MCF2L: variants seen among roughly 807,000 people sequenced by gnomAD.
The protein encoded by MCF2L is MCF.2 cell line derived transforming sequence like.
Under a neutral mutation model 153.4 loss-of-function variants are expected in MCF2L, and 97 were observed. The observed-to-expected ratio is 0.63, with a 90% CI of 0.54 to 0.75. The LOEUF is 0.75. MCF2L is among the 30% of genes least tolerant of loss of function. The pLI is 0.00. For synonymous variants in MCF2L, 659 were observed against 632.2 expected (o/e 1.04, Z -0.64); for missense variants, 1,347 against 1,495.2 (o/e 0.90, Z 1.64).
At chr13:113,080,911 C>G (rs1243684502) in intron 15 of MCF2L, among the ~76,000 whole-genome samples, 1 of 147,030 alleles carries the variant, frequency 6.8e-6, no homozygotes, top group Admixed American at 6.7e-5. Flanking sequence ...ACAGGTGGGA[C>G]CCAAAAGCCC....
intron 2 of MCF2L, among the ~76,000 whole-genome samples, chr13:112,925,314 A>G (rs1038168564): frequency 6.6e-6 from 1 of 152,182 alleles, no homozygotes; most frequent in Admixed American, 6.5e-5. Context: ...TGCTATGACC[A>G]CTTTGGAAAA....
In MCF2L at chr13:112,927,071, TAAAAGCAC is replaced by T. The variant is rs2081415050; in HGVS notation, c.169+24702_169+24709del. ...ATCACACTTACAGAGAAATATGAAT[TAAAAGCAC>T]ACTGGCATACTGCCTCTTGCTAATC... On this transcript the variant is annotated intron_variant, in intron 2 of 29. Transcript: ENST00000375608. 5.3e-5 allele frequency among the ~76,000 whole-genome samples: 8 copies of T among 152,276 alleles called. No homozygotes were observed. The South Asian group carries it at 1.7e-3, about 32-fold the overall frequency.
chr13:113,023,023 G>A (rs1239719984), intron 2 of MCF2L, among the ~76,000 whole-genome samples: 2 of 152,230 alleles, frequency 1.3e-5, no homozygotes, highest in African/African-American at 4.8e-5. Context: ...GAGGATAGAA[G>A]TCATCAGAGC....
At chr13:113,086,941 GTGCATTC>G (rs1300770827) in intron 21 of MCF2L, among the ~76,000 whole-genome samples, 4 of 152,184 alleles carry the variant, frequency 2.6e-5, no homozygotes, top group African/African-American at 9.7e-5. Context: ...TCTGGGTGCT[GTGCATTC>G]TGCGGTTTGG....
chr13:112,943,576 T>C lies in MCF2L; in HGVS notation c.169+41205T>C, dbSNP rs935932358. On this transcript the variant is annotated intron_variant, in intron 2 of 29. Coordinates refer to the MCF2L transcript ENST00000375608. This position sits in a 1 kb window ranked among gnomAD's most constrained non-coding sequence, Gnocchi z 4.2. ...GCAGCCAGAGCCGAGACTCCGCGCC[T>C]TTCAAGGAGGAGGCCCCGTGCAGGC... Among the ~76,000 whole-genome samples, 1 of 151,870 alleles carries C rather than the reference T, an allele frequency of 6.6e-6. No individual in the cohort carries two copies. Among genetic ancestry groups the C allele is most frequent in the African/African-American group, 2.4e-5 (1 of 41,376 alleles).
intron 1 of MCF2L, among the ~76,000 whole-genome samples, chr13:112,997,634 T>A (rs1594557391): frequency 6.6e-6 from 1 of 152,168 alleles, no homozygotes; most frequent in Non-Finnish European, 1.5e-5. Flanking sequence ...GCTGACCAGG[T>A]TTGTAAAATG....
At chr13:112,989,106 A>G (rs1395256345) in intron 1 of MCF2L, among the ~76,000 whole-genome samples, 1 of 51,064 alleles carries the variant, frequency 2.0e-5, no homozygotes. Context: ...GAGCTACCAC[A>G]CCGGAGTCCT....
intron 2 of MCF2L, among the ~76,000 whole-genome samples, chr13:112,924,463 A>G (rs2081383629): frequency 6.6e-6 from 1 of 152,184 alleles, no homozygotes; most frequent in South Asian, 2.1e-4. Context: ...AGGAACAAAA[A>G]CCAAGGAGAA....
intron 2 of MCF2L, among the ~76,000 whole-genome samples, chr13:112,954,511 G>T (rs2081733836): frequency 6.6e-6 from 1 of 152,220 alleles, no homozygotes; most frequent in Non-Finnish European, 1.5e-5. Context: ...CTTGGCCTTA[G>T]TGGAGTTCAT....
rs189259779 is a variant in MCF2L at position 113,060,497 on chromosome 13, C to T, written c.370-96C>T. 3.3e-5 allele frequency: 48 copies of T among 1,456,910 alleles called. No individual in the cohort carries two copies. The Middle Eastern group carries it at 6.7e-4, about 20-fold the overall frequency. The allele number at this position is 1,456,910 out of a possible 1,614,324, so 90.2% of individuals were successfully genotyped here. A position where few individuals can be genotyped will look rare whatever the true frequency, so the allele number is the denominator to read the frequency against. Reference sequence around the variant, plus strand: ...GTTGAGGATGCCTGGCCGCTAGCTGCGCGCCCCCGGTCAGCCCAGCGTGCA... The same window carrying T: ...GTTGAGGATGCCTGGCCGCTAGCTGTGCGCCCCCGGTCAGCCCAGCGTGCA... On this transcript the variant is annotated intron_variant, in intron 4 of 29. Transcript: ENST00000535094.
chr13:112,977,159 A>G (rs1417419147), intron 1 of MCF2L, among the ~76,000 whole-genome samples: 2 of 152,206 alleles, frequency 1.3e-5, no homozygotes, highest in Middle Eastern at 3.2e-3. Context: ...TGGCTAATGT[A>G]AGACTCTTTT....
chr13:113,004,208 T>C (rs945698314), intron 1 of MCF2L, among the ~76,000 whole-genome samples: 7 of 152,182 alleles, frequency 4.6e-5, no homozygotes, highest in African/African-American at 1.7e-4. Flanking sequence ...AGCTGGTCCC[T>C]ACTACATAGA....
chr13:112,976,401 A>G (rs973375969), intron 1 of MCF2L, among the ~76,000 whole-genome samples: 1 of 152,198 alleles, frequency 6.6e-6, no homozygotes, highest in Non-Finnish European at 1.5e-5. Context: ...CCCAAACAAG[A>G]CTTCGTTTCT....
chr13:112,906,648 G>T (rs2081175955), intron 2 of MCF2L, among the ~76,000 whole-genome samples: 1 of 152,224 alleles, frequency 6.6e-6, no homozygotes, highest in Non-Finnish European at 1.5e-5. Flanking sequence ...GCTCTGGTGG[G>T]CCAGGTGAGA....
chr13:112,915,410 C>CAAAAAAAAAAAAAAGAAAAAAA (rs2081281495), intron 2 of MCF2L, among the ~76,000 whole-genome samples: 1 of 86,924 alleles, frequency 1.2e-5, no homozygotes, highest in Admixed American at 1.3e-4. Context: ...CTCTGTCTCA[C>CAAAAAAAAAAAAAAGAAAAAAA]AAAAAAAAAA....
At chr13:113,087,929 C>T (rs1397600261) in intron 23 of MCF2L, 130 bp downstream of exon 23, 2 of 740,238 alleles carry the variant, frequency 2.7e-6, no homozygotes, top group Non-Finnish European at 4.7e-6. Context: ...CAGGATGCTG[C>T]CCTGGGCTGT....
chr13:113,071,831 T>C (rs1394426337), intron 9 of MCF2L, among the ~76,000 whole-genome samples: 2 of 152,260 alleles, frequency 1.3e-5, no homozygotes, highest in African/African-American at 4.8e-5. Flanking sequence ...TTTTTCAAAA[T>C]TGTGTTAGCT....
chr13:112,923,720 C>T (rs1185693419), intron 2 of MCF2L, among the ~76,000 whole-genome samples: 2 of 152,174 alleles, frequency 1.3e-5, no homozygotes, highest in African/African-American at 2.4e-5. Context: ...CTTCTCTAAT[C>T]ACTGCTGTTT....
intron 2 of MCF2L, among the ~76,000 whole-genome samples, chr13:112,931,257 C>T (rs941143342): frequency 3.2e-4 from 49 of 152,176 alleles, no homozygotes; most frequent in Non-Finnish European, 6.8e-4. Context: ...TGCTGACCTG[C>T]GTGACTCTGG....
Sources: gnomAD v4.1 joint callset for allele counts (sites outside exome capture counted in the v4.1 genomes callset) on GRCh38, gnomAD v4.1.1 for gene constraint, Gnocchi (gnomAD v3.1) non-coding constraint, MANE v1.5 for transcripts, NCBI Gene and HGNC (gene_info 2026-07-23, HGNC 2026-07-21) for gene names.